PRELID2: variants seen among roughly 807,000 people sequenced by gnomAD.
The protein encoded by PRELID2 is PRELI domain-containing protein 2.
Under a neutral mutation model 28.4 loss-of-function variants are expected in PRELID2, and 25 were observed. The ratio of observed to expected loss-of-function variants is 0.88; its 90% confidence interval spans 0.64 to 1.23. The LOEUF (loss-of-function observed/expected upper bound fraction) is 1.23, where lower values mean the gene tolerates loss of function less well. Ranked by LOEUF, PRELID2 falls within the 50% of genes most tolerant of loss-of-function variation. PRELID2 has a pLI of 0.00. For missense variants in PRELID2, 201 were observed against 214.4 expected (o/e 0.94, Z 0.39); for synonymous variants, 76 against 71.6 (o/e 1.06, Z -0.31).
the PRELID2 span, among the ~76,000 whole-genome samples, chr5:145,240,880 G>A: frequency 6.6e-4 from 101 of 152,010 alleles, no homozygotes; most frequent in African/African-American, 2.4e-3. Context: ...TTGTTTATGT[G>A]TATAAAAGCA....
chr5:145,544,551 C>T (rs950628415), intron 1 of PRELID2, among the ~76,000 whole-genome samples: 1 of 152,078 alleles, frequency 6.6e-6, no homozygotes. Context: ...TGGCATCTCA[C>T]CAGGATCTAG....
chr5:145,669,849 T>C (rs1364329257), intron 1 of PRELID2, among the ~76,000 whole-genome samples: 1 of 152,114 alleles, frequency 6.6e-6, no homozygotes, highest in Non-Finnish European at 1.5e-5. Flanking sequence ...TGGTCTGGGA[T>C]AAACCATCTC....
chr5:145,230,111 G>C, the PRELID2 span: 6 of 581,424 alleles, frequency 1.0e-5, no homozygotes, highest in Admixed American at 2.2e-5. Context: ...CCAAGTACAG[G>C]TGCTAATTGT....
At chr5:145,539,615 G>A (rs1242023747) in intron 1 of PRELID2, among the ~76,000 whole-genome samples, 1 of 151,176 alleles carries the variant, frequency 6.6e-6, no homozygotes, top group African/African-American at 2.4e-5. Context: ...TTTATGTCTG[G>A]CACAAATACA....
At chr5:145,243,520 G>A in the PRELID2 span, among the ~76,000 whole-genome samples, 1 of 151,966 alleles carries the variant, frequency 6.6e-6, no homozygotes, top group African/African-American at 2.4e-5. Flanking sequence ...TTGTTTTGAT[G>A]TTTTGGCAGG....
intron 1 of PRELID2, among the ~76,000 whole-genome samples, chr5:145,673,279 T>C (rs1308341227): frequency 1.3e-5 from 2 of 152,016 alleles, no homozygotes; most frequent in African/African-American, 2.4e-5. Flanking sequence ...CAAAATGATA[T>C]CCCATCAGCA....
At chr5:145,703,614 G>A (rs1755468357) in intron 1 of PRELID2, among the ~76,000 whole-genome samples, 1 of 152,222 alleles carries the variant, frequency 6.6e-6, no homozygotes, top group African/African-American at 2.4e-5. Context: ...TGCAGCTAGG[G>A]AAAGAAGATA....
chr5:145,460,554 T>A, the PRELID2 span, among the ~76,000 whole-genome samples: 3 of 152,200 alleles, frequency 2.0e-5, no homozygotes, highest in African/African-American at 7.2e-5. Flanking sequence ...CTTCTCTGTA[T>A]CAAGACTTGC....
the PRELID2 span, among the ~76,000 whole-genome samples, chr5:145,273,660 A>G: frequency 6.6e-6 from 1 of 152,124 alleles, no homozygotes; most frequent in South Asian, 2.1e-4. Flanking sequence ...CCTTCCAAAT[A>G]TTAGGGACAA....
At chr5:145,614,871 G>A (rs1045583098) in intron 1 of PRELID2, among the ~76,000 whole-genome samples, 3 of 152,168 alleles carry the variant, frequency 2.0e-5, no homozygotes, top group Non-Finnish European at 2.9e-5. Context: ...CTATGTTGAA[G>A]AGGAGTGGTG....
At chr5:145,588,444 T>A (rs1429219162) in intron 1 of PRELID2, among the ~76,000 whole-genome samples, 1 of 152,108 alleles carries the variant, frequency 6.6e-6, no homozygotes, top group Non-Finnish European at 1.5e-5. Context: ...ACTGCTTTTG[T>A]CCCAAATCGT....
chr5:145,544,319 C>T (rs1752768464), intron 1 of PRELID2, among the ~76,000 whole-genome samples: 1 of 152,044 alleles, frequency 6.6e-6, no homozygotes, highest in Admixed American at 6.6e-5. Context: ...GATCTTTCAA[C>T]TAAACTTATG....
chr5:145,548,506 C>T (rs1752806145), intron 1 of PRELID2, among the ~76,000 whole-genome samples: 1 of 152,206 alleles, frequency 6.6e-6, no homozygotes, highest in Admixed American at 6.5e-5. Flanking sequence ...TCTCCCCTTT[C>T]TCATTGCCCC....
At chr5:145,380,184 A>T in the PRELID2 span, among the ~76,000 whole-genome samples, 1 of 152,216 alleles carries the variant, frequency 6.6e-6, no homozygotes, top group Non-Finnish European at 1.5e-5. Context: ...CCGGGGTCCC[A>T]GAGGCCCATG....
At chr5:145,512,773 G>A (rs926260622) in intron 1 of PRELID2, among the ~76,000 whole-genome samples, 3 of 152,160 alleles carry the variant, frequency 2.0e-5, no homozygotes, top group Non-Finnish European at 2.9e-5. Context: ...CTGGGACGAA[G>A]CTTCCAAAGG....
chr5:145,424,961 A>G, the PRELID2 span, among the ~76,000 whole-genome samples: 1 of 152,224 alleles, frequency 6.6e-6, no homozygotes, highest in African/African-American at 2.4e-5. Context: ...AGCAAAAGAA[A>G]CTATCATCAG....
At chr5:145,720,469 GA>G (rs929338461) in intron 1 of PRELID2, among the ~76,000 whole-genome samples, 6 of 151,392 alleles carry the variant, frequency 4.0e-5, no homozygotes, top group South Asian at 2.1e-4. Flanking sequence ...AATTCAAGAG[GA>G]AAAAAAATGT....
Position 145,649,072 on chromosome 5 carries a change from T to C in PRELID2, n.70+115859A>G, listed in dbSNP as rs149818547. Among the ~76,000 whole-genome samples, 1,502 of 151,492 alleles carry C rather than the reference T, an allele frequency of 9.9e-3. 25 individuals carry two copies. The highest frequency in any genetic ancestry group is 0.034 in the African/African-American group (1,385 of 41,296). ...ATTTTTGCATTCAATCAATCACAGA[T>C]CAAAAATATTTCAGAAAGAAGCAAT... On this transcript the variant is annotated intron_variant and non_coding_transcript_variant, in intron 1 of 2. Coordinates refer to the PRELID2 transcript ENST00000510259.
At chr5:145,798,496 C>A (rs951474389) in intron 4 of PRELID2, among the ~76,000 whole-genome samples, 3 of 152,154 alleles carry the variant, frequency 2.0e-5, no homozygotes, top group Non-Finnish European at 4.4e-5. Context: ...CTAGAATTAC[C>A]ATTTGACCCA....
Sources: gnomAD v4.1 joint callset for allele counts (sites outside exome capture counted in the v4.1 genomes callset) on GRCh38, gnomAD v4.1.1 for gene constraint, MANE v1.5 for transcripts, NCBI Gene and HGNC (gene_info 2026-07-23, HGNC 2026-07-21) for gene names.